The following ESRRG variants were observed in gnomAD, a reference collection of about 807,000 sequenced individuals.
ESRRG encodes the protein estrogen related receptor gamma, also known as estrogen-related receptor gamma.
A neutral mutation model predicts 44.0 loss-of-function variants in ESRRG; 13 were observed. The observed-to-expected ratio is 0.30, with a 90% CI of 0.19 to 0.47. The LOEUF (loss-of-function observed/expected upper bound fraction) is 0.47, where lower values mean the gene tolerates loss of function less well. ESRRG is among the 20% of genes least tolerant of loss of function. The pLI is 1.00. For synonymous variants in ESRRG, 215 were observed against 214.6 expected (o/e 1.00, Z -0.02); for missense variants, 395 against 580.6 (o/e 0.68, Z 3.29).
At chr1:216,536,313 C>T (rs2050956894) in intron 5 of ESRRG, among the ~76,000 whole-genome samples, 1 of 152,058 alleles carries the variant, frequency 6.6e-6, no homozygotes, top group Non-Finnish European at 1.5e-5. Context: ...CAACTCATAT[C>T]AAAATGTCTA....
At chr1:216,788,671 G>A (rs117403340) in intron 2 of ESRRG, among the ~76,000 whole-genome samples, 1 of 152,074 alleles carries the variant, frequency 6.6e-6, no homozygotes, top group African/African-American at 2.4e-5. Context: ...AATACATTTT[G>A]TAGGGCTATA....
At chr1:216,580,687 C>A (rs981716309) in intron 3 of ESRRG, among the ~76,000 whole-genome samples, 1 of 152,128 alleles carries the variant, frequency 6.6e-6, no homozygotes, top group Non-Finnish European at 1.5e-5. Context: ...AGCTCTCTTC[C>A]AGTTCTAAAA....
intron 2 of ESRRG, among the ~76,000 whole-genome samples, chr1:216,761,762 G>A (rs140742414): frequency 4.6e-5 from 7 of 152,182 alleles, no homozygotes; most frequent in African/African-American, 1.7e-4. Context: ...TCAAGTAATG[G>A]GAAAATTGAT....
intron 1 of ESRRG, among the ~76,000 whole-genome samples, chr1:216,949,524 A>G (rs2066608952): frequency 6.6e-6 from 1 of 152,120 alleles, no homozygotes; most frequent in African/African-American, 2.4e-5. Flanking sequence ...CAAGATTAAT[A>G]ATGTACATCA....
intron 1 of ESRRG, among the ~76,000 whole-genome samples, chr1:217,081,299 C>T (rs2091756723): frequency 7.9e-6 from 1 of 126,826 alleles, no homozygotes; most frequent in South Asian, 2.6e-4. Flanking sequence ...ACAATCTCGG[C>T]TCACCGCAAC....
At chr1:216,836,376 G>T (rs2095565144) in intron 2 of ESRRG, among the ~76,000 whole-genome samples, 1 of 152,178 alleles carries the variant, frequency 6.6e-6, no homozygotes, top group Non-Finnish European at 1.5e-5. Flanking sequence ...GAGAAAACAA[G>T]AAAATTAGGT....
At chr1:216,909,061 G>C (rs190828022) in intron 2 of ESRRG, among the ~76,000 whole-genome samples, 1 of 151,790 alleles carries the variant, frequency 6.6e-6, no homozygotes, top group Admixed American at 6.6e-5. Context: ...TCTACTTTTC[G>C]AGTACATGGG....
At chr1:217,134,497 C>T (rs1374959413) in intron 1 of ESRRG, among the ~76,000 whole-genome samples, 1 of 152,244 alleles carries the variant, frequency 6.6e-6, no homozygotes, top group Admixed American at 6.5e-5. Flanking sequence ...TACCCCCGCT[C>T]TGGCCTCTCA....
intron 2 of ESRRG, among the ~76,000 whole-genome samples, chr1:216,793,768 G>C (rs981295850): frequency 6.6e-6 from 1 of 152,038 alleles, no homozygotes; most frequent in African/African-American, 2.4e-5. Context: ...GTTTTGTTTT[G>C]CTTTTCTTCT....
intron 5 of ESRRG, among the ~76,000 whole-genome samples, chr1:216,563,862 G>A (rs11572784): frequency 0.024 from 3,654 of 152,190 alleles, 137 homozygotes; most frequent in African/African-American, 0.083. Context: ...TTAGGCTACC[G>A]CTGACAAAAA....
chr1:216,706,431 T>C (rs996861575), intron 1 of ESRRG, among the ~76,000 whole-genome samples: 2 of 152,206 alleles, frequency 1.3e-5, no homozygotes, highest in African/African-American at 4.8e-5. Context: ...CTTTTGATGT[T>C]GCAGAAAATG....
intron 2 of ESRRG, among the ~76,000 whole-genome samples, chr1:216,903,321 C>A (rs1464408944): frequency 6.6e-6 from 1 of 151,958 alleles, no homozygotes; most frequent in South Asian, 2.1e-4. Context: ...CTTGTAGCAC[C>A]GGGCCAAGAT....
chr1:217,014,937 G>A (rs187421545), intron 1 of ESRRG, among the ~76,000 whole-genome samples: 2 of 152,114 alleles, frequency 1.3e-5, no homozygotes, highest in Admixed American at 1.3e-4. Flanking sequence ...ATTCCACAGC[G>A]ATTCATTACA....
chr1:217,094,079 C>T (rs926264415), upstream of ESRRG, among the ~76,000 whole-genome samples: 2 of 151,842 alleles, frequency 1.3e-5, no homozygotes, highest in Non-Finnish European at 2.9e-5. Flanking sequence ...GAGATGAGGC[C>T]TCGCTATGTT....
At chr1:217,028,733 G>A (rs533990010) in intron 1 of ESRRG, among the ~76,000 whole-genome samples, 23 of 152,310 alleles carry the variant, frequency 1.5e-4, no homozygotes, top group Middle Eastern at 6.8e-3. Flanking sequence ...TCATAGGTTT[G>A]TGCATGGGTT....
intron 3 of ESRRG, among the ~76,000 whole-genome samples, chr1:216,572,869 T>C (rs950308266): frequency 6.6e-6 from 1 of 152,064 alleles, no homozygotes; most frequent in African/African-American, 2.4e-5. Context: ...TCTATCACCA[T>C]TCCCTGGACA....
chr1:216,777,142 C>A (rs942281854), intron 2 of ESRRG, among the ~76,000 whole-genome samples: 13 of 152,218 alleles, frequency 8.5e-5, no homozygotes, highest in African/African-American at 2.9e-4. Flanking sequence ...TCAGCAGTGA[C>A]ATATTTTGTG....
chr1:216,522,061 G>A lies in ESRRG; in HGVS notation c.863-2640C>T, dbSNP rs1253590870. ...TAACAACATTTCGCACATTTCTTTG[G>A]GGTTTAATTGAACAAAAAACAATAA... is the stretch of plus-strand genomic sequence containing the variant. On this transcript the variant is annotated intron_variant, in intron 5 of 6. Coordinates refer to ENST00000408911, the MANE Select transcript of ESRRG (RefSeq NM_001438.4). 2.0e-5 allele frequency among the ~76,000 whole-genome samples: 3 copies of A among 151,330 alleles called. No homozygotes were observed. The East Asian group carries it at 5.8e-4, about 29-fold the overall frequency.
intron 1 of ESRRG, among the ~76,000 whole-genome samples, chr1:216,982,217 G>A (rs140646679): frequency 2.4e-4 from 37 of 152,316 alleles, no homozygotes; most frequent in Middle Eastern, 6.8e-3. Context: ...AAATCATGCA[G>A]TGTAAGTTCT....
Sources: gnomAD v4.1 joint callset for allele counts (sites outside exome capture counted in the v4.1 genomes callset) on GRCh38, gnomAD v4.1.1 for gene constraint, MANE v1.5 for transcripts, NCBI Gene and HGNC (gene_info 2026-07-23, HGNC 2026-07-21) for gene names.